Variants in AK4 observed in about 807,000 individuals in gnomAD.
AK4 encodes adenylate kinase 4, mitochondrial.
Under a neutral mutation model 24.6 loss-of-function variants are expected in AK4, and 13 were observed. That is an observed-to-expected ratio of 0.53 (90% CI 0.34 to 0.84). The LOEUF is 0.84. Among genes scored for constraint, AK4 ranks in the 40% least tolerant of loss-of-function variants. The pLI is 0.01. For missense variants in AK4, 192 were observed against 288.2 expected (o/e 0.67, Z 2.42); for synonymous variants, 88 against 107.0 (o/e 0.82, Z 1.10).
chr1:65,203,191 A>G (rs933892706), intron 2 of AK4, among the ~76,000 whole-genome samples: 1 of 152,148 alleles, frequency 6.6e-6, no homozygotes, highest in Non-Finnish European at 1.5e-5. Context: ...TTGAGCAAGC[A>G]AAGTTTTCTT....
intron 1 of AK4, among the ~76,000 whole-genome samples, chr1:65,179,846 G>A (rs1462404818): frequency 2.0e-5 from 3 of 151,888 alleles, no homozygotes; most frequent in Non-Finnish European, 4.4e-5. Context: ...AAAACAAAAA[G>A]AAAAAAGAAA....
chr1:65,175,663 C>T (rs955207879), intron 1 of AK4, among the ~76,000 whole-genome samples: 1 of 152,150 alleles, frequency 6.6e-6, no homozygotes, highest in African/African-American at 2.4e-5. Context: ...GTAAGAAAAT[C>T]CAGAGGGCCC....
intron 1 of AK4, among the ~76,000 whole-genome samples, chr1:65,185,006 C>T (rs1651049085): frequency 6.6e-6 from 1 of 152,140 alleles, no homozygotes; most frequent in Admixed American, 6.5e-5. Flanking sequence ...GAGTAAGATG[C>T]CTCTGGAAGT....
At chr1:65,189,677 A>ACACACC (rs1553124628) in intron 1 of AK4, among the ~76,000 whole-genome samples, 2 of 150,764 alleles carry the variant, frequency 1.3e-5, no homozygotes, top group African/African-American at 2.5e-5. Flanking sequence ...ACACACACAC[A>ACACACC]CCCCACACAT....
At chr1:65,188,984 A>C (rs1253767069) in intron 1 of AK4, among the ~76,000 whole-genome samples, 7 of 151,970 alleles carry the variant, frequency 4.6e-5, no homozygotes, top group Non-Finnish European at 1.0e-4. Context: ...TCTGTCACCC[A>C]GTGCAGTGGC....
chr1:65,230,904 C>G lies in AK4; in HGVS notation c.*4727C>G, dbSNP rs1012641199. Reference sequence around the variant, plus strand: ...CCTGAGAATTCTGTTTATTACCTTTCATTTGACAGTGTCTTTCCTTTCTGC... The same window carrying G: ...CCTGAGAATTCTGTTTATTACCTTTGATTTGACAGTGTCTTTCCTTTCTGC... On this transcript the variant is annotated 3_prime_UTR_variant, in exon 5 of 5. Coordinates refer to ENST00000327299, the MANE Select transcript of AK4 (RefSeq NM_013410.4). 4 of 152,182 alleles carry G rather than the reference C, an allele frequency of 2.6e-5. No individual in the cohort carries two copies. The highest frequency in any genetic ancestry group is 9.6e-5 in the African/African-American group (4 of 41,458). 9.4% of individuals were successfully genotyped at this position (152,182 alleles called of 1,614,324 possible). A position where few individuals can be genotyped will look rare whatever the true frequency, so the allele number is the denominator to read the frequency against.
At chr1:65,223,879 C>T (rs1341212585) in intron 3 of AK4, among the ~76,000 whole-genome samples, 1 of 152,030 alleles carries the variant, frequency 6.6e-6, no homozygotes, top group African/African-American at 2.4e-5. Flanking sequence ...CACCTGTAAT[C>T]CCACCTGTTC....
intron 2 of AK4, among the ~76,000 whole-genome samples, chr1:65,207,552 G>A (rs1028415796): frequency 1.5e-5 from 2 of 137,890 alleles, no homozygotes; most frequent in African/African-American, 5.3e-5. Flanking sequence ...CACAGCTGCT[G>A]TTTTTTTTTT....
intron 2 of AK4, among the ~76,000 whole-genome samples, chr1:65,195,236 C>T (rs1651429595): frequency 6.6e-6 from 1 of 152,146 alleles, no homozygotes; most frequent in African/African-American, 2.4e-5. Context: ...CCCATTAATT[C>T]ATCCATGAGG....
At chr1:65,219,444 G>C (rs1227360969) in intron 3 of AK4, among the ~76,000 whole-genome samples, 1 of 152,022 alleles carries the variant, frequency 6.6e-6, no homozygotes, top group Admixed American at 6.6e-5. Flanking sequence ...TTTCAATGTT[G>C]CTGTAGTGGG....
chr1:65,183,744 T>C (rs1650993917), intron 1 of AK4, among the ~76,000 whole-genome samples: 2 of 151,896 alleles, frequency 1.3e-5, no homozygotes, highest in South Asian at 4.1e-4. Flanking sequence ...GTCATCTGCT[T>C]ATTGGCTCTT....
chr1:65,195,500 TA>T (rs1651439084), intron 2 of AK4, among the ~76,000 whole-genome samples: 3 of 152,166 alleles, frequency 2.0e-5, no homozygotes, highest in Admixed American at 2.0e-4. Flanking sequence ...TTAGGGAACT[TA>T]AAAATCTGTG....
intron 1 of AK4, among the ~76,000 whole-genome samples, chr1:65,161,392 G>A (rs558731722): frequency 6.6e-5 from 10 of 152,140 alleles, no homozygotes; most frequent in East Asian, 1.9e-4. Context: ...TCTACATTAC[G>A]TTCCCAGGAG....
intron 1 of AK4, among the ~76,000 whole-genome samples, chr1:65,179,483 G>A (rs1240770302): frequency 6.6e-6 from 1 of 152,098 alleles, no homozygotes; most frequent in African/African-American, 2.4e-5. Context: ...TAAGAAATAG[G>A]GAATATTATA....
chr1:65,208,216 A>T (rs1052784732), intron 2 of AK4, among the ~76,000 whole-genome samples: 3 of 152,064 alleles, frequency 2.0e-5, no homozygotes, highest in Non-Finnish European at 4.4e-5. Context: ...ACTTTTTCGT[A>T]GTAGGACAGC....
intron 1 of AK4, among the ~76,000 whole-genome samples, chr1:65,149,375 CT>C (rs1016646064): frequency 1.3e-5 from 2 of 152,188 alleles, no homozygotes; most frequent in African/African-American, 4.8e-5. Flanking sequence ...CCCTTTCCCC[CT>C]CTCCTCCCAC....
intron 2 of AK4, among the ~76,000 whole-genome samples, chr1:65,194,725 G>A (rs1425496310): frequency 1.3e-5 from 2 of 152,212 alleles, no homozygotes; most frequent in Admixed American, 6.5e-5. Context: ...GCCTCCCAAA[G>A]TGTTGGGATT....
At chr1:65,214,385 A>G (rs1179137706) in intron 2 of AK4, among the ~76,000 whole-genome samples, 1 of 152,162 alleles carries the variant, frequency 6.6e-6, no homozygotes, top group African/African-American at 2.4e-5. Flanking sequence ...TGCTAGGATT[A>G]CAGGCGTGAG....
At chr1:65,207,889 C>T (rs1438793466) in intron 2 of AK4, among the ~76,000 whole-genome samples, 2 of 152,186 alleles carry the variant, frequency 1.3e-5, no homozygotes, top group African/African-American at 4.8e-5. Flanking sequence ...CTTATTACGG[C>T]TGCATAGTAT....
Sources: gnomAD v4.1 joint callset for allele counts (sites outside exome capture counted in the v4.1 genomes callset) on GRCh38, gnomAD v4.1.1 for gene constraint, MANE v1.5 for transcripts, NCBI Gene and HGNC (gene_info 2026-07-23, HGNC 2026-07-21) for gene names.